The following NRG3 variants were observed in gnomAD, a reference collection of about 807,000 sequenced individuals.
NRG3 encodes neuregulin 3, also known as pro-neuregulin-3, membrane-bound isoform.
A neutral mutation model predicts 66.9 loss-of-function variants in NRG3; 31 were observed. The observed-to-expected ratio is 0.46, with a 90% CI of 0.35 to 0.63. The LOEUF (loss-of-function observed/expected upper bound fraction) is 0.63, where lower values mean the gene tolerates loss of function less well. NRG3 is among the 20% of genes least tolerant of loss of function. The pLI is 0.00. For synonymous variants in NRG3, 393 were observed against 359.4 expected (o/e 1.09, Z -1.06); for missense variants, 910 against 878.9 (o/e 1.04, Z -0.45).
intron 1 of NRG3, among the ~76,000 whole-genome samples, chr10:82,000,487 A>G (rs781599885): frequency 6.6e-6 from 1 of 152,148 alleles, no homozygotes; most frequent in Non-Finnish European, 1.5e-5. Flanking sequence ...GTGAGATCCA[A>G]GACTGGAAGC....
chr10:82,065,554 A>G (rs1018171161), intron 1 of NRG3, among the ~76,000 whole-genome samples: 1 of 152,198 alleles, frequency 6.6e-6, no homozygotes, highest in Non-Finnish European at 1.5e-5. Flanking sequence ...TCCCTGGCAC[A>G]TAGTACATGT....
At chr10:82,137,683 C>CA (rs780217972) in intron 1 of NRG3, among the ~76,000 whole-genome samples, 1 of 152,018 alleles carries the variant, frequency 6.6e-6, no homozygotes, top group African/African-American at 2.4e-5. Context: ...ATCACTGGGC[C>CA]AAAAAACATA....
At chr10:82,786,207 C>G (rs2060355703) in intron 3 of NRG3, among the ~76,000 whole-genome samples, 1 of 152,136 alleles carries the variant, frequency 6.6e-6, no homozygotes, top group Admixed American at 6.5e-5. Context: ...CAACTGCATC[C>G]TGGGAGAGCT....
At chr10:82,260,419 C>T (rs1475458143) in intron 1 of NRG3, among the ~76,000 whole-genome samples, 1 of 152,108 alleles carries the variant, frequency 6.6e-6, no homozygotes. Flanking sequence ...TAAGTAGAGG[C>T]CTGAGGCATC....
At chr10:82,158,807 T>G (rs574863152) in intron 1 of NRG3, among the ~76,000 whole-genome samples, 2 of 152,020 alleles carry the variant, frequency 1.3e-5, no homozygotes, top group South Asian at 4.1e-4. Context: ...TTAACCACTG[T>G]CCTTGATTAA....
At chr10:82,617,366 G>A (rs2048739137) in intron 2 of NRG3, among the ~76,000 whole-genome samples, 1 of 150,658 alleles carries the variant, frequency 6.6e-6, no homozygotes, top group Non-Finnish European at 1.5e-5. Context: ...CACACACATG[G>A]CACACACAGA....
intron 2 of NRG3, among the ~76,000 whole-genome samples, chr10:82,436,022 G>A (rs2090118476): frequency 6.6e-6 from 1 of 152,010 alleles, no homozygotes; most frequent in Admixed American, 6.6e-5. Flanking sequence ...TGTTGATTTG[G>A]GGTAGAGAGT....
chr10:82,158,998 A>G (rs1051480693), intron 1 of NRG3, among the ~76,000 whole-genome samples: 2 of 151,892 alleles, frequency 1.3e-5, no homozygotes, highest in South Asian at 2.1e-4. Flanking sequence ...GAAGAAAATG[A>G]TAGTCTTTAG....
At position 82,756,916 on chromosome 10, in the gene NRG3, C is replaced by T. The variant is rs116602248; in HGVS notation, c.1027+18266C>T. ...CAAAAGCACTTGTAAGTTGCTTTAC[C>T]TGGGGAAAGTATTTTGGTGATTTTT... On this transcript the variant is annotated intron_variant, in intron 3 of 8. Transcript: ENST00000372141. Among the ~76,000 whole-genome samples, 705 of 151,856 alleles carry T rather than the reference C, an allele frequency of 4.6e-3. 3 individuals are homozygous for T. The highest frequency in any genetic ancestry group is 0.016 in the African/African-American group (674 of 41,444).
Position 82,451,317 on chromosome 10 carries a change from T to C in NRG3, c.953+92449T>C, listed in dbSNP as rs1345527267. On this transcript the variant is annotated intron_variant, in intron 2 of 8. Transcript: ENST00000372141. Reference sequence around the variant, plus strand: ...GAGTCCACACTCGTAAGGATTATATTATATGACTTGTCTCAGTTGAATTAG... The same window carrying C: ...GAGTCCACACTCGTAAGGATTATATCATATGACTTGTCTCAGTTGAATTAG... Among the ~76,000 whole-genome samples, 3 of 152,118 alleles carry C rather than the reference T, an allele frequency of 2.0e-5. No individual in the cohort carries two copies. In the East Asian group the frequency reaches 5.8e-4, roughly 29 times the overall value.
At chr10:82,358,584 G>A (rs188746313) in intron 1 of NRG3, among the ~76,000 whole-genome samples, 155 bp from the exon 2 acceptor site, 1 of 152,232 alleles carries the variant, frequency 6.6e-6, no homozygotes, top group African/African-American at 2.4e-5. Flanking sequence ...AGCTGCATTT[G>A]GTCAGTACCA....
intron 1 of NRG3, among the ~76,000 whole-genome samples, chr10:82,111,952 A>C (rs1362734787): frequency 1.3e-5 from 2 of 152,096 alleles, no homozygotes; most frequent in Non-Finnish European, 2.9e-5. Flanking sequence ...CAAATATAAG[A>C]ATGTCTTAGG....
chr10:82,657,623 T>A (rs963384834), intron 2 of NRG3, among the ~76,000 whole-genome samples: 1 of 151,514 alleles, frequency 6.6e-6, no homozygotes, highest in East Asian at 1.9e-4. Context: ...CCTGGGGAAA[T>A]ACAGGCTAAC....
chr10:82,292,052 A>G, intron 1 of NRG3, among the ~76,000 whole-genome samples: 1 of 152,204 alleles, frequency 6.6e-6, no homozygotes, highest in South Asian at 2.1e-4. Context: ...AGACTGGGGG[A>G]AAATATTTGC....
intron 1 of NRG3, among the ~76,000 whole-genome samples, chr10:82,002,531 A>G (rs1187284575): frequency 6.6e-6 from 1 of 152,152 alleles, no homozygotes; most frequent in Non-Finnish European, 1.5e-5. Context: ...GCTCTTTTGC[A>G]TTTGGTACAG....
At chr10:82,456,126 T>C (rs1400282136) in intron 2 of NRG3, among the ~76,000 whole-genome samples, 1 of 146,070 alleles carries the variant, frequency 6.8e-6, no homozygotes, top group Admixed American at 7.4e-5. Context: ...ATTTAAAATA[T>C]TTTTCTGTCA....
intron 1 of NRG3, among the ~76,000 whole-genome samples, chr10:81,896,352 C>G (rs926055665): frequency 6.6e-6 from 1 of 152,124 alleles, no homozygotes; most frequent in Admixed American, 6.6e-5. Flanking sequence ...CTCTCTCTCT[C>G]ACTTTCTCGC....
intron 1 of NRG3, among the ~76,000 whole-genome samples, chr10:82,162,945 C>T (rs1190865129): frequency 6.6e-6 from 1 of 152,114 alleles, no homozygotes; most frequent in Non-Finnish European, 1.5e-5. Context: ...TGCTATTGCC[C>T]TGTTGGGAAC....
chr10:81,964,594 C>T (rs1306495929), intron 1 of NRG3, among the ~76,000 whole-genome samples: 3 of 152,032 alleles, frequency 2.0e-5, no homozygotes, highest in African/African-American at 7.3e-5. Context: ...TCTTTGTGCA[C>T]CTGGGTGAGT....
Sources: allele counts gnomAD v4.1 joint callset (sites outside exome capture counted in the v4.1 genomes callset), GRCh38; gene constraint gnomAD v4.1.1; transcripts MANE v1.5; gene names NCBI Gene and HGNC (gene_info 2026-07-23, HGNC 2026-07-21).